The following SAMD4A variants were observed in gnomAD, a reference collection of about 807,000 sequenced individuals.
SAMD4A encodes sterile alpha motif domain containing 4A.
Under a neutral mutation model 81.3 loss-of-function variants are expected in SAMD4A, and 33 were observed. That is an observed-to-expected ratio of 0.41 (90% CI 0.31 to 0.54). The LOEUF is 0.54. SAMD4A is among the 20% of genes least tolerant of loss of function. The probability of loss-of-function intolerance (pLI) is 0.37; values close to 1 mark genes in which losing one functional copy is unlikely to be tolerated. For synonymous variants in SAMD4A, 389 were observed against 382.1 expected (o/e 1.02, Z -0.21); for missense variants, 854 against 951.1 (o/e 0.90, Z 1.34).
chr14:54,759,738 T>G (rs906430318), intron 6 of SAMD4A, among the ~76,000 whole-genome samples: 1 of 152,052 alleles, frequency 6.6e-6, no homozygotes, highest in African/African-American at 2.4e-5. Flanking sequence ...ATGGACTGAG[T>G]GATGGTGTGA....
Position 54,568,719 on chromosome 14 carries a change from ATATAT to A in SAMD4A, c.196+608_196+612del, listed in dbSNP as rs1416774278. 4.8e-4 allele frequency among the ~76,000 whole-genome samples: 61 copies of A among 126,398 alleles called. 1 individual carries two copies. In the South Asian group the frequency reaches 0.016, roughly 33 times the overall value. 82.9% of individuals were successfully genotyped at this position (126,398 alleles called of 152,430 possible). On this transcript the variant is annotated intron_variant, in intron 2 of 12. Transcript: ENST00000554335. ...TATATATATATATATATATATATAT[ATATAT>A]ATATATATATATATATAATGCGGTT...
chr14:54,649,178 C>T (rs188812130), intron 2 of SAMD4A, among the ~76,000 whole-genome samples: 2 of 152,198 alleles, frequency 1.3e-5, no homozygotes, highest in East Asian at 3.9e-4. Flanking sequence ...GTGAGGCTGT[C>T]GAGTAGGATT....
Position 54,733,245 on chromosome 14 carries a change from T to C in SAMD4A, c.716-3779T>C, listed in dbSNP as rs564654388. On this transcript the variant is annotated intron_variant, in intron 3 of 12. Coordinates refer to ENST00000554335, the MANE Select transcript of SAMD4A (RefSeq NM_015589.6). ...CCATATTTCAACTAGACTTACCTAATACTTATTATTTACTTCGGATTCATT... is the reference window on the plus strand; with the variant it reads ...CCATATTTCAACTAGACTTACCTAACACTTATTATTTACTTCGGATTCATT... Among the ~76,000 whole-genome samples the C allele has an allele frequency of 2.4e-4, 36 of 152,356 alleles. No homozygotes were observed. The South Asian group carries it at 7.0e-3, about 30-fold the overall frequency.
chr14:54,620,200 G>C (rs1402572227), intron 2 of SAMD4A, among the ~76,000 whole-genome samples: 4 of 152,074 alleles, frequency 2.6e-5, no homozygotes, highest in Non-Finnish European at 4.4e-5. Flanking sequence ...CCTTGCCCCA[G>C]GTCTCACAGT....
chr14:54,727,166 C>CTTTTTTT lies in SAMD4A; in HGVS notation c.716-9823_716-9817dup, dbSNP rs567831973. On this transcript the variant is annotated intron_variant, in intron 3 of 12. Transcript: ENST00000554335. The stretch of plus-strand genomic sequence containing the variant: ...TTATCACAACAGCCTTCTTTTTTTC[C>CTTTTTTT]TTTTTTTTTTTTTTTTTTTTTTTTT... Among the ~76,000 whole-genome samples, 348 of 59,192 alleles carry CTTTTTTT rather than the reference C, an allele frequency of 5.9e-3. 63 individuals carry two copies. The highest frequency in any genetic ancestry group is 8.9e-3 in the Non-Finnish European group (265 of 29,784). 38.8% of individuals were successfully genotyped at this position (59,192 alleles called of 152,430 possible).
At chr14:54,738,578 G>A (rs569484805) in intron 4 of SAMD4A, among the ~76,000 whole-genome samples, 17 of 152,328 alleles carry the variant, frequency 1.1e-4, no homozygotes, top group East Asian at 3.9e-4. Flanking sequence ...ACTTGGGTAC[G>A]AAGGGGATGT....
At chr14:54,655,855 C>T (rs552012215) in intron 2 of SAMD4A, among the ~76,000 whole-genome samples, 2 of 152,252 alleles carry the variant, frequency 1.3e-5, no homozygotes, top group South Asian at 4.1e-4. Flanking sequence ...CTTATTTCAC[C>T]ACCATTTTAT....
intron 3 of SAMD4A, among the ~76,000 whole-genome samples, chr14:54,727,811 C>T (rs2037463993): frequency 6.6e-6 from 1 of 152,080 alleles, no homozygotes. Context: ...TGTAGATGAA[C>T]ACGCACGCGC....
At chr14:54,640,752 G>A (rs1010381519) in intron 2 of SAMD4A, among the ~76,000 whole-genome samples, 4 of 152,152 alleles carry the variant, frequency 2.6e-5, no homozygotes, top group African/African-American at 9.7e-5. Flanking sequence ...CTCCGAGAAT[G>A]AGAACATTGC....
intron 3 of SAMD4A, among the ~76,000 whole-genome samples, chr14:54,717,286 T>C (rs777405866): frequency 6.6e-6 from 1 of 151,386 alleles, no homozygotes; most frequent in African/African-American, 2.4e-5. Flanking sequence ...TACAAAAAAA[T>C]AAAAAATTAG....
chr14:54,683,860 T>C (rs1263834325), intron 2 of SAMD4A, among the ~76,000 whole-genome samples: 1 of 152,164 alleles, frequency 6.6e-6, no homozygotes, highest in East Asian at 1.9e-4. Context: ...ATCATCCGTA[T>C]GGGATCCCAG....
rs886868545 is a variant in SAMD4A, at chr14:54,776,526, T to G, written c.2030T>G (p.Met677Arg). 2.0e-5 allele frequency: 31 copies of G among 1,571,036 alleles called. No individual in the cohort carries two copies. In the African/African-American group the frequency reaches 3.2e-4, roughly 16 times the overall value. ...PVHTSPQNML[M>R]FQQPEFQLPV... ...CACACTTCCCCACAGAACATGCTGA[T>G]GTTCCAGCAGCCAGGTAGGGCCCGG... The change falls in exon 11 of 13, where the codon ATG (methionine) becomes AGG (arginine). Residue 677 changes from methionine (M) to arginine (R), a missense_variant. Coordinates refer to ENST00000554335, the MANE Select transcript of SAMD4A (RefSeq NM_015589.6).
At chr14:54,714,499 C>T (rs1001348142) in intron 3 of SAMD4A, among the ~76,000 whole-genome samples, 2 of 151,916 alleles carry the variant, frequency 1.3e-5, no homozygotes, top group African/African-American at 4.8e-5. Flanking sequence ...CCTGTTTGAC[C>T]CTTGGTACAC....
At chr14:54,588,063 G>A (rs1288406917) in intron 2 of SAMD4A, among the ~76,000 whole-genome samples, 1 of 151,940 alleles carries the variant, frequency 6.6e-6, no homozygotes, top group Non-Finnish European at 1.5e-5. Flanking sequence ...CAATCTCGCT[G>A]CTTGTTATTG....
In SAMD4A at chr14:54,568,079, C is replaced by A; in HGVS notation, c.163C>A (p.Leu55Met). 6 of 1,575,808 alleles carry A rather than the reference C, an allele frequency of 3.8e-6. No homozygotes were observed. Among genetic ancestry groups the A allele is most frequent in the South Asian group, 1.1e-5 (1 of 87,918 alleles). Residue 55 changes from leucine to methionine, a missense_variant, in exon 2 of 13, where the codon CTG becomes ATG. This residue lies in a region of SAMD4A where 387 missense variants were observed against 405.8 expected (regional missense o/e 0.95). Transcript: ENST00000554335. ...GCACTCGCTGGCCGACTGCGCCGAG[C>A]TGCACGTCCTCGAACGCGAGGCCAA... The part of the protein sequence containing the change: ...LEHSLADCAE[L>M]HVLEREANSP...
At chr14:54,654,033 C>G (rs1294788089) in intron 2 of SAMD4A, among the ~76,000 whole-genome samples, 1 of 152,214 alleles carries the variant, frequency 6.6e-6, no homozygotes, top group Non-Finnish European at 1.5e-5. Flanking sequence ...AAAGAAGACA[C>G]AAACGATGGA....
chr14:54,776,427 C>T lies in SAMD4A; in HGVS notation c.1931C>T (p.Ala644Val), dbSNP rs750403029. ...TTTTCTCACCAGAACCTGTGGTTTG[C>T]CAACCCCGGGGGCAGCAATAGCATG... ...MKQGRQNLWF[A>V]NPGGSNSMPS... The change falls in exon 11 of 13, where the codon GCC becomes GTC. Residue 644 changes from alanine to valine, a missense_variant. By Grantham distance (64) the Ala-to-Val change is moderately conservative (BLOSUM62 0). Coordinates refer to ENST00000554335, the MANE Select transcript of SAMD4A (RefSeq NM_015589.6). 6.3e-7 allele frequency: 1 copy of T among 1,590,962 alleles called. No homozygotes were observed. The highest frequency in any genetic ancestry group is 8.5e-7 in the Non-Finnish European group (1 of 1,169,906).
At chr14:54,770,413 C>T (rs867916345) in intron 9 of SAMD4A, among the ~76,000 whole-genome samples, 191 bp downstream of exon 9, 2 of 152,160 alleles carry the variant, frequency 1.3e-5, no homozygotes, top group Non-Finnish European at 2.9e-5. Flanking sequence ...CATTCCCAGG[C>T]GAAGAGCTGA....
chr14:54,607,040 T>G (rs2034226570), intron 2 of SAMD4A, among the ~76,000 whole-genome samples: 1 of 152,190 alleles, frequency 6.6e-6, no homozygotes, highest in South Asian at 2.1e-4. Flanking sequence ...ACATGAGGCC[T>G]TGGCCGAACG....
Sources: gnomAD v4.1 joint callset for allele counts (sites outside exome capture counted in the v4.1 genomes callset) on GRCh38, gnomAD v4.1.1 for gene constraint, gnomAD v4.1.1 regional missense constraint, MANE v1.5 for transcripts, NCBI Gene and HGNC (gene_info 2026-07-23, HGNC 2026-07-21) for gene names.